GHR: variants seen among roughly 807,000 people sequenced by gnomAD.
GHR encodes the protein growth hormone receptor, also known as GH receptor.
Under a neutral mutation model 67.1 loss-of-function variants are expected in GHR, and 35 were observed. The ratio of observed to expected loss-of-function variants is 0.52; its 90% CI spans 0.40 to 0.69. The LOEUF is 0.69. GHR is among the 30% of genes least tolerant of loss of function. GHR has a pLI of 0.00. For synonymous variants in GHR, 272 were observed against 269.1 expected, an observed-to-expected ratio of 1.01 and a Z score of -0.10; for missense variants, 792 against 764.6, an observed-to-expected ratio of 1.04 and a Z score of -0.42.
At chr5:42,521,240 G>A (rs1747461455) in intron 1 of GHR, among the ~76,000 whole-genome samples, 1 of 152,162 alleles carries the variant, frequency 6.6e-6, no homozygotes, top group African/African-American at 2.4e-5. Context: ...GTTCTTGAGG[G>A]TGCCTTTGCC....
Position 42,430,226 on chromosome 5 carries a change from T to TTTCA in GHR, c.-12+6271_-12+6272insTTCA, listed in dbSNP as rs528657646. Among the ~76,000 whole-genome samples, 139 of 152,348 alleles carry TTTCA rather than the reference T, an allele frequency of 9.1e-4. 1 individual carries two copies. Among genetic ancestry groups the TTTCA allele is most frequent in the African/African-American group, 3.2e-3 (132 of 41,578 alleles). ...GCTTATCCAGAGGAGAGGCCTGAAG[T>TTTCA]GTGCATTGGGCACCTACCTGGTGTG... On this transcript the variant is annotated intron_variant, in intron 1 of 9. Coordinates refer to ENST00000230882, the MANE Select transcript of GHR (RefSeq NM_000163.5).
At position 42,502,373 on chromosome 5, in the gene GHR, A is replaced by G. The variant is rs116578266; in HGVS notation, c.-11-63491A>G. Among the ~76,000 whole-genome samples the G allele has an allele frequency of 5.9e-3, 899 of 152,350 alleles. 6 individuals carry two copies. The highest frequency in any genetic ancestry group is 0.01 in the Middle Eastern group (3 of 294). Reference sequence around the variant, plus strand: ...AATATTTTTCAAATTGAAGGCTTAAAAAATTAAGGATACCCTCTATGTGCC... The same window carrying G: ...AATATTTTTCAAATTGAAGGCTTAAGAAATTAAGGATACCCTCTATGTGCC... On this transcript the variant is annotated intron_variant, in intron 1 of 9. Transcript: ENST00000230882.
chr5:42,452,656 T>G (rs758144271), intron 1 of GHR, among the ~76,000 whole-genome samples: 1 of 152,262 alleles, frequency 6.6e-6, no homozygotes, highest in South Asian at 2.1e-4. Context: ...AGCTCTGAAG[T>G]TCTTTCTTCT....
At chr5:42,625,722 G>A (rs1753668235) in intron 2 of GHR, among the ~76,000 whole-genome samples, 1 of 146,028 alleles carries the variant, frequency 6.8e-6, no homozygotes, top group Non-Finnish European at 1.6e-5. Context: ...TGAAGACCTG[G>A]GATTAATGGA....
At chr5:42,469,702 G>A (rs1370179273) in intron 1 of GHR, among the ~76,000 whole-genome samples, 1 of 152,198 alleles carries the variant, frequency 6.6e-6, no homozygotes, top group Non-Finnish European at 1.5e-5. Flanking sequence ...AGGACACTTG[G>A]CCTCAATTCC....
At chr5:42,587,587 G>C (rs1021430531) in intron 2 of GHR, among the ~76,000 whole-genome samples, 10 of 152,072 alleles carry the variant, frequency 6.6e-5, no homozygotes, top group Non-Finnish European at 1.5e-4. Context: ...ATAACTGCCT[G>C]ATCTTTCTGT....
chr5:42,684,452 T>A (rs1757038978), intron 3 of GHR, among the ~76,000 whole-genome samples: 1 of 152,262 alleles, frequency 6.6e-6, no homozygotes, highest in South Asian at 2.1e-4. Context: ...TTTTAATAAT[T>A]ACTAACTTTG....
chr5:42,438,507 A>C (rs376701010), intron 1 of GHR, among the ~76,000 whole-genome samples: 32 of 152,338 alleles, frequency 2.1e-4, no homozygotes, highest in East Asian at 1.2e-3. Context: ...AGGTCATTCA[A>C]AGTGGCTCCT....
At chr5:42,437,354 G>T (rs891904809) in intron 1 of GHR, among the ~76,000 whole-genome samples, 3 of 152,126 alleles carry the variant, frequency 2.0e-5, no homozygotes, top group Admixed American at 6.6e-5. Context: ...TGTGAATGAA[G>T]ATTTGCAAAC....
At chr5:42,600,710 C>T (rs910651970) in intron 2 of GHR, among the ~76,000 whole-genome samples, 4 of 152,118 alleles carry the variant, frequency 2.6e-5, no homozygotes, top group Non-Finnish European at 5.9e-5. Flanking sequence ...ACCTGGCCTA[C>T]CAAGGCTGTG....
chr5:42,663,815 G>C (rs1234578545), intron 3 of GHR, among the ~76,000 whole-genome samples: 2 of 152,168 alleles, frequency 1.3e-5, no homozygotes, highest in Non-Finnish European at 1.5e-5. Flanking sequence ...GTCCCTGTTT[G>C]CAGATGACAT....
At chr5:42,440,027 G>T (rs867608583) in intron 1 of GHR, among the ~76,000 whole-genome samples, 1 of 152,112 alleles carries the variant, frequency 6.6e-6, no homozygotes, top group African/African-American at 2.4e-5. Context: ...AATATTGATA[G>T]CCTGAGTGTG....
Position 42,615,101 on chromosome 5 carries a change from A to G in GHR, c.71-13937A>G, listed in dbSNP as rs188019097. 2.2e-4 allele frequency among the ~76,000 whole-genome samples: 33 copies of G among 152,158 alleles called. No homozygotes were observed. The East Asian group carries it at 6.0e-3, about 28-fold the overall frequency. Reference sequence around the variant, plus strand: ...TTTTAGAGAAGTACAATAATGTGGCATTCCTTGCACCCTGGTGATATGCAG... The same window carrying G: ...TTTTAGAGAAGTACAATAATGTGGCGTTCCTTGCACCCTGGTGATATGCAG... On this transcript the variant is annotated intron_variant, in intron 2 of 9. Coordinates refer to ENST00000230882, the MANE Select transcript of GHR (RefSeq NM_000163.5).
intron 2 of GHR, among the ~76,000 whole-genome samples, chr5:42,586,646 G>A (rs901794457): frequency 2.0e-5 from 3 of 152,212 alleles, no homozygotes; most frequent in Admixed American, 6.5e-5. Flanking sequence ...AAAGCAAAAT[G>A]TATGTCAAAA....
At chr5:42,586,433 A>G (rs1751478753) in intron 2 of GHR, among the ~76,000 whole-genome samples, 1 of 152,218 alleles carries the variant, frequency 6.6e-6, no homozygotes, top group African/African-American at 2.4e-5. Flanking sequence ...TAACTTTGTA[A>G]TGGATTATTC....
intron 1 of GHR, among the ~76,000 whole-genome samples, chr5:42,534,118 GTATGTATATATATGTACA>G (rs1361718568): frequency 6.8e-6 from 1 of 146,676 alleles, no homozygotes; most frequent in Admixed American, 6.9e-5. Context: ...ATGTATATAT[GTATGTATATATATGTACA>G]TATGTATATA....
chr5:42,632,553 G>A (rs1442041346), intron 3 of GHR, among the ~76,000 whole-genome samples: 1 of 152,196 alleles, frequency 6.6e-6, no homozygotes, highest in African/African-American at 2.4e-5. Context: ...TGCTGTGCTG[G>A]CAAAAGGTCT....
intron 1 of GHR, among the ~76,000 whole-genome samples, chr5:42,535,284 T>C (rs1470057223): frequency 6.6e-6 from 1 of 152,156 alleles, no homozygotes; most frequent in Non-Finnish European, 1.5e-5. Context: ...ATTTTTATAG[T>C]TTCACGTTTT....
At chr5:42,467,770 T>C (rs1744800890) in intron 1 of GHR, 1 of 1,534,618 alleles carries the variant, frequency 6.5e-7, no homozygotes, top group Non-Finnish European at 9.0e-7. Context: ...GTTTGCACTC[T>C]GACTAAATCC....
Sources: gnomAD v4.1 joint callset for allele counts (sites outside exome capture counted in the v4.1 genomes callset) on GRCh38, gnomAD v4.1.1 for gene constraint, MANE v1.5 for transcripts, NCBI Gene and HGNC (gene_info 2026-07-23, HGNC 2026-07-21) for gene names.